The following ACTR1B variants were observed in gnomAD, a reference collection of about 807,000 sequenced individuals.
The protein encoded by ACTR1B is actin related protein 1B.
ACTR1B carries 34 observed loss-of-function variants against 49.4 expected under a neutral mutation model. The ratio of observed to expected loss-of-function variants is 0.69; its 90% CI spans 0.52 to 0.92. ACTR1B has a LOEUF of 0.92. Ranked by LOEUF, ACTR1B falls within the 40% of genes least tolerant of loss-of-function variation. The pLI, the probability that ACTR1B is intolerant of heterozygous loss-of-function variation, is 0.00. For missense variants in ACTR1B, 471 were observed against 522.4 expected (o/e 0.90, Z 0.96); for synonymous variants, 207 against 207.8 (o/e 1.00, Z 0.03).
At chr2:97,662,404 C>CT (rs545069324) in intron 1 of ACTR1B, among the ~76,000 whole-genome samples, 3,686 of 141,214 alleles carry the variant, frequency 0.026, 64 homozygotes, top group Non-Finnish European at 0.037. Context: ...CTGTGTGGGT[C>CT]TTTTTTTTTT....
At chr2:97,663,572 G>A (rs973896893) in intron 1 of ACTR1B, among the ~76,000 whole-genome samples, 1 of 151,850 alleles carries the variant, frequency 6.6e-6, no homozygotes, top group Non-Finnish European at 1.5e-5. Context: ...CGGCCGCCCG[G>A]CTGTCACTCA....
chr2:97,661,349 G>T (rs745840819), intron 2 of ACTR1B, among the ~76,000 whole-genome samples: 2 of 152,196 alleles, frequency 1.3e-5, no homozygotes, highest in South Asian at 4.1e-4. Flanking sequence ...GCCCCTAAGG[G>T]CAACTTTCCC....
At position 97,658,580 on chromosome 2, in the gene ACTR1B, C is replaced by T. The variant is rs376624854; in HGVS notation, c.504G>A (p.Val168=). The part of the protein sequence containing the change: ...LDSGDGVTHA[V]PIYEGFAMPH... ...GCATGGCAAAGCCCTCATAGATGGG[C>T]ACAGCATGAGTGACCCCGTCCCCTG... The change falls in exon 6 of 11, where the codon GTG becomes GTA. Residue 168 remains valine, a synonymous_variant. Coordinates refer to ENST00000289228, the MANE Select transcript of ACTR1B (RefSeq NM_005735.4). This position sits in a 1 kb window ranked among gnomAD's most constrained non-coding sequence, Gnocchi z 5.9. The T allele has an allele frequency of 6.2e-6, 10 of 1,614,000 alleles. No homozygotes were observed. In the African/African-American group the frequency reaches 1.2e-4, roughly 19 times the overall value.
intron 9 of ACTR1B, 117 bp from the exon 10 acceptor site, chr2:97,657,309 G>A (rs1160857748): frequency 2.7e-6 from 4 of 1,504,504 alleles, no homozygotes; most frequent in African/African-American, 1.4e-5. Context: ...AAGCTGGGGA[G>A]TGGCAGCAGC....
Position 97,659,245 on chromosome 2 carries a change from C to T in ACTR1B, c.315+107G>A. 3 of 1,549,244 alleles carry T rather than the reference C, an allele frequency of 1.9e-6. No homozygotes were observed. The highest frequency in any genetic ancestry group is 2.4e-5 in the South Asian group (2 of 84,724). On this transcript the variant is annotated intron_variant, in intron 4 of 10. Coordinates refer to ENST00000289228, the MANE Select transcript of ACTR1B (RefSeq NM_005735.4). This position sits in a 1 kb window ranked among gnomAD's most constrained non-coding sequence, Gnocchi z 4.0. ...AGACACACACGGAAAGGCAGCAGGC[C>T]CTCTAGAAATGTAGAAGGGAAATGT...
intron 2 of ACTR1B, among the ~76,000 whole-genome samples, chr2:97,660,858 G>C (rs1458427992): frequency 6.6e-6 from 1 of 152,174 alleles, no homozygotes; most frequent in African/African-American, 2.4e-5. Flanking sequence ...CAGAAGGCAC[G>C]GTCAGCAGAG....
rs1475624765 is a variant in ACTR1B at position 97,659,517 on chromosome 2, C to T, written c.190-40G>A. On this transcript the variant is annotated intron_variant, in intron 3 of 10. Transcript: ENST00000289228. This position sits in a 1 kb window ranked among gnomAD's most constrained non-coding sequence, Gnocchi z 4.0. Reference sequence around the variant, plus strand: ...AGGGAGGTGTGGCACCCGGCCCTTGCTCAGCGGCTGCTTTCCGCCCTCCTG... The same window carrying T: ...AGGGAGGTGTGGCACCCGGCCCTTGTTCAGCGGCTGCTTTCCGCCCTCCTG... 1.9e-6 allele frequency: 3 copies of T among 1,608,500 alleles called. No homozygotes were observed. The highest frequency in any genetic ancestry group is 2.5e-6 in the Non-Finnish European group (3 of 1,179,300).
intron 2 of ACTR1B, 57 bp downstream of exon 2, chr2:97,661,825 A>T: frequency 6.6e-7 from 1 of 1,526,344 alleles, no homozygotes; most frequent in Middle Eastern, 1.7e-4. Context: ...ACAGAAGGCC[A>T]ATGTTCTTAC....
At chr2:97,660,521 C>T (rs992634971) in intron 3 of ACTR1B, 50 bp downstream of exon 3, 6 of 1,575,858 alleles carry the variant, frequency 3.8e-6, no homozygotes, top group Middle Eastern at 1.7e-4. Context: ...TGCCATGTTC[C>T]TGCAACTGAG....
In ACTR1B at chr2:97,663,979, C is replaced by G; in HGVS notation, c.-89G>C. The G allele has an allele frequency of 1.2e-6, 1 of 829,018 alleles. No homozygotes were observed. The highest frequency in any genetic ancestry group is 1.6e-6 in the Non-Finnish European group (1 of 624,174). The allele number at this position is 829,018 out of a possible 1,614,324, so 51.4% of individuals were successfully genotyped here. On this transcript the variant is annotated 5_prime_UTR_variant, in exon 1 of 11. Transcript: ENST00000289228. ...CGGGAGGACCGGGACGGCGGCGGCT[C>G]CCGACGCGGCGCCGCTGCCCTCCCT...
At chr2:97,660,540 C>A in intron 3 of ACTR1B, 31 bp downstream of exon 3, 3 of 1,608,184 alleles carry the variant, frequency 1.9e-6, no homozygotes, top group Non-Finnish European at 2.6e-6. Context: ...AGGACCCCAC[C>A]CCCAGGGAAA....
In ACTR1B at chr2:97,659,752, C is replaced by G. The variant is rs1446100967; in HGVS notation, c.190-275G>C. On this transcript the variant is annotated intron_variant, in intron 3 of 10. Transcript: ENST00000289228. This position sits in a 1 kb window ranked among gnomAD's most constrained non-coding sequence, Gnocchi z 4.0. ...TGCCCCGCAATCTGCAGGCTCTCTT[C>G]TTCCCCATTCTCACTGCCGGCACAT... 2 of 513,864 alleles carry G rather than the reference C, an allele frequency of 3.9e-6. No individual in the cohort carries two copies. Among genetic ancestry groups the G allele is most frequent in the African/African-American group, 3.9e-5 (2 of 51,674 alleles). The allele number at this position is 513,864 out of a possible 1,614,324, so 31.8% of individuals were successfully genotyped here. A position where few individuals can be genotyped will look rare whatever the true frequency, so the allele number is the denominator to read the frequency against.
At chr2:97,660,143 T>C (rs1339776181) in intron 3 of ACTR1B, among the ~76,000 whole-genome samples, 1 of 152,088 alleles carries the variant, frequency 6.6e-6, no homozygotes, top group African/African-American at 2.4e-5. Flanking sequence ...CTCAGGCGCC[T>C]AAACTGCCCT....
At position 97,657,184 on chromosome 2, in the gene ACTR1B, G is replaced by A; in HGVS notation, c.996C>T (p.Ala332=). Residue 332 remains alanine (A), a synonymous_variant, in exon 10 of 11, where the codon GCC becomes GCT. Coordinates refer to ENST00000289228, the MANE Select transcript of ACTR1B (RefSeq NM_005735.4). The part of the protein sequence containing the change: ...APKDIKIKIS[A]PQERLYSTWI... ...ATGTGGAGTACAGCCGTTCCTGCGGGGCTGAGATCTAGAAGGAGGAAGTGG... is the reference window on the plus strand; with the variant it reads ...ATGTGGAGTACAGCCGTTCCTGCGGAGCTGAGATCTAGAAGGAGGAAGTGG... 1 of 1,613,552 alleles carries A rather than the reference G, an allele frequency of 6.2e-7. No homozygotes were observed. The highest frequency in any genetic ancestry group is 8.5e-7 in the Non-Finnish European group (1 of 1,179,852).
At chr2:97,657,362 C>T (rs549222314) in intron 9 of ACTR1B, 86 bp downstream of exon 9, 22 of 1,516,836 alleles carry the variant, frequency 1.5e-5, no homozygotes, top group Middle Eastern at 1.8e-4. Flanking sequence ...AGCTGGTGAG[C>T]GGGTCTGGGG....
Position 97,659,666 on chromosome 2 carries a change from G to A in ACTR1B, c.190-189C>T, listed in dbSNP as rs956380612. The A allele has an allele frequency of 2.0e-5, 15 of 751,760 alleles. No homozygotes were observed. In the African/African-American group the frequency reaches 2.7e-4, roughly 13 times the overall value. 46.6% of individuals were successfully genotyped at this position (751,760 alleles called of 1,614,324 possible). A position where few individuals can be genotyped will look rare whatever the true frequency, so the allele number is the denominator to read the frequency against. ...TCAGCATGGGCTCACCTGCCCACCA[G>A]CTTCTTAGGCTCTTAGAGCCCAGCT... On this transcript the variant is annotated intron_variant, in intron 3 of 10. Coordinates refer to ENST00000289228, the MANE Select transcript of ACTR1B (RefSeq NM_005735.4). The surrounding 1 kb of genome is among the most constrained non-coding windows in gnomAD (Gnocchi z 4.0).
At chr2:97,657,902 T>G in intron 8 of ACTR1B, 41 bp downstream of exon 8, 1 of 1,602,850 alleles carries the variant, frequency 6.2e-7, no homozygotes, top group Non-Finnish European at 8.5e-7. Context: ...CCAGCTGCCC[T>G]GGGCCTCGTC....
At position 97,657,479 on chromosome 2, in the gene ACTR1B, T is replaced by C; in HGVS notation, c.956A>G (p.Lys319Arg). ...GFGDRLLSEVKKLAPKDIKIK... is the reference protein window; with the variant it reads ...GFGDRLLSEVRKLAPKDIKIK... ...TTTGATATCCTTTGGGGCAAGCTTC[T>C]TCACTTCACTGAGTAATCGGTCTCC... Residue 319 changes from lysine (K) to arginine (R), a missense_variant, in exon 9 of 11, where the codon AAG becomes AGG. Lys to Arg is a conservative substitution (Grantham distance 26). Coordinates refer to ENST00000289228, the MANE Select transcript of ACTR1B (RefSeq NM_005735.4). 6.2e-7 allele frequency: 1 copy of C among 1,614,214 alleles called. No individual in the cohort carries two copies. Among genetic ancestry groups the C allele is most frequent in the South Asian group, 1.1e-5 (1 of 91,092 alleles).
intron 1 of ACTR1B, 114 bp downstream of exon 1, chr2:97,663,729 A>T: frequency 1.9e-6 from 1 of 519,000 alleles, no homozygotes; most frequent in Non-Finnish European, 2.7e-6. Context: ...GGCGGGGGCG[A>T]CGGCCACGCA....
Sources: gnomAD v4.1 joint callset for allele counts (sites outside exome capture counted in the v4.1 genomes callset) on GRCh38, gnomAD v4.1.1 for gene constraint, Gnocchi (gnomAD v3.1) non-coding constraint, MANE v1.5 for transcripts, NCBI Gene and HGNC (gene_info 2026-07-23, HGNC 2026-07-21) for gene names.